The following CDK19 variants were observed in gnomAD, a reference collection of about 807,000 sequenced individuals.
CDK19 encodes the protein cyclin dependent kinase 19, also known as cyclin-dependent kinase 19.
Under a neutral mutation model 68.3 loss-of-function variants are expected in CDK19, and 20 were observed. The ratio of observed to expected loss-of-function variants is 0.29; its 90% CI spans 0.21 to 0.43. The LOEUF (loss-of-function observed/expected upper bound fraction) is 0.43, where lower values mean the gene tolerates loss of function less well. CDK19 is among the 20% of genes least tolerant of loss of function. CDK19 has a pLI of 1.00. For missense variants in CDK19, 339 were observed against 623.5 expected, an observed-to-expected ratio of 0.54 and a Z score of 4.86; for synonymous variants, 221 against 222.8, an observed-to-expected ratio of 0.99 and a Z score of 0.07.
chr6:110,661,181 T>C (rs1781595106), intron 4 of CDK19, among the ~76,000 whole-genome samples: 1 of 152,234 alleles, frequency 6.6e-6, no homozygotes, highest in South Asian at 2.1e-4. Flanking sequence ...TGAAAATCAC[T>C]GAACTTACAA....
In CDK19 at chr6:110,706,404, G is replaced by GTTTTTTTTTTTTT. The variant is rs774904075; in HGVS notation, c.205-35864_205-35863insAAAAAAAAAAAAA. On this transcript the variant is annotated intron_variant, in intron 2 of 12. Transcript: ENST00000368911. ...CAACAGCATGCTGGGTAACACTGTT[G>GTTTTTTTTTTTTT]TTTTTTTTTTGTTTGTTTTTTTTTT... 4.2e-5 allele frequency: 3 copies of GTTTTTTTTTTTTT among 71,062 alleles called. 1 individual carries two copies. Among genetic ancestry groups the GTTTTTTTTTTTTT allele is most frequent in the African/African-American group, 4.8e-5 (1 of 20,810 alleles). The allele number at this position is 71,062 out of a possible 1,614,324, so 4.4% of individuals were successfully genotyped here.
intron 1 of CDK19, among the ~76,000 whole-genome samples, chr6:110,785,157 A>G (rs1259611630): frequency 6.6e-6 from 1 of 152,002 alleles, no homozygotes; most frequent in Non-Finnish European, 1.5e-5. Context: ...TCAATCAGTC[A>G]ATATCCTAGA....
chr6:110,646,119 C>A, intron 4 of CDK19: 1 of 895,152 alleles, frequency 1.1e-6, no homozygotes, highest in South Asian at 1.4e-5. Context: ...CGAGGTGATT[C>A]TCATCTCTGA....
intron 2 of CDK19, among the ~76,000 whole-genome samples, chr6:110,741,945 A>T (rs1176771118): frequency 6.6e-6 from 1 of 152,224 alleles, no homozygotes; most frequent in Non-Finnish European, 1.5e-5. Context: ...TTTCAGCTAA[A>T]ATGAAAGGAC....
intron 2 of CDK19, among the ~76,000 whole-genome samples, chr6:110,712,378 C>T (rs1214308794): frequency 6.6e-6 from 1 of 152,186 alleles, no homozygotes; most frequent in African/African-American, 2.4e-5. Flanking sequence ...ACACCACCCT[C>T]AAGATAGTCT....
chr6:110,716,068 A>G (rs563976835), intron 2 of CDK19, among the ~76,000 whole-genome samples: 6 of 152,244 alleles, frequency 3.9e-5, no homozygotes, highest in African/African-American at 7.2e-5. Flanking sequence ...GAGGAATCAC[A>G]TAACTAATAT....
In CDK19 at chr6:110,637,481, A is replaced by G. The variant is rs532682120; in HGVS notation, c.514+1168T>C. 3.3e-5 allele frequency among the ~76,000 whole-genome samples: 5 copies of G among 152,342 alleles called. No homozygotes were observed. In the East Asian group the frequency reaches 9.7e-4, roughly 29 times the overall value. On this transcript the variant is annotated intron_variant, in intron 5 of 12. Coordinates refer to ENST00000368911, the MANE Select transcript of CDK19 (RefSeq NM_015076.5). ...GAACAGCTTATTTAGCAACTGGGCT[A>G]GGGAGTTAACTGAAAAAGTAGAAAA...
chr6:110,692,668 T>A (rs1773112837), intron 2 of CDK19, among the ~76,000 whole-genome samples: 1 of 152,090 alleles, frequency 6.6e-6, no homozygotes, highest in Non-Finnish European at 1.5e-5. Flanking sequence ...AAAAAGGTCA[T>A]CATAAAGGCA....
chr6:110,692,919 C>T (rs1773136188), intron 2 of CDK19, among the ~76,000 whole-genome samples: 1 of 152,104 alleles, frequency 6.6e-6, no homozygotes, highest in Non-Finnish European at 1.5e-5. Context: ...ATCACTTGAA[C>T]CCGGGAGAAG....
intron 1 of CDK19, among the ~76,000 whole-genome samples, chr6:110,805,436 C>T (rs1424332938): frequency 1.3e-5 from 2 of 151,904 alleles, no homozygotes; most frequent in Non-Finnish European, 1.5e-5. Flanking sequence ...GCTTTAAAAT[C>T]TTCTATATTG....
At chr6:110,665,563 AAGAG>A (rs1781873093) in intron 4 of CDK19, among the ~76,000 whole-genome samples, 1 of 152,328 alleles carries the variant, frequency 6.6e-6, no homozygotes, top group Non-Finnish European at 1.5e-5. Flanking sequence ...TTTTATGAAA[AAGAG>A]AGAGGAGCTC....
At chr6:110,626,667 C>T in intron 8 of CDK19, 109 bp downstream of exon 8, 1 of 671,836 alleles carries the variant, frequency 1.5e-6, no homozygotes, top group Non-Finnish European at 2.4e-6. Flanking sequence ...TTGGACTTTC[C>T]AGCCTCAAGG....
chr6:110,705,076 C>G (rs1355903170), intron 2 of CDK19, among the ~76,000 whole-genome samples: 6 of 146,966 alleles, frequency 4.1e-5, no homozygotes, highest in Non-Finnish European at 9.0e-5. Flanking sequence ...GAGTTTCACT[C>G]TTGTCACCCA....
chr6:110,742,213 T>A (rs530665975), intron 2 of CDK19, among the ~76,000 whole-genome samples: 1 of 152,340 alleles, frequency 6.6e-6, no homozygotes, highest in Non-Finnish European at 1.5e-5. Context: ...AATACTTTTA[T>A]AATTTATTAC....
At chr6:110,620,465 A>T (rs553143888) in intron 12 of CDK19, among the ~76,000 whole-genome samples, 106 of 151,390 alleles carry the variant, frequency 7.0e-4, no homozygotes, top group Middle Eastern at 6.8e-3. Context: ...TTGAAAAAAA[A>T]TTTTTTTTTC....
chr6:110,691,301 C>T (rs1357671614), intron 2 of CDK19, among the ~76,000 whole-genome samples: 11 of 151,924 alleles, frequency 7.2e-5, no homozygotes, highest in African/African-American at 2.4e-4. Context: ...AGTGAAAACC[C>T]GTCTCTACTA....
Position 110,686,304 on chromosome 6 carries a change from G to A in CDK19, c.205-15763C>T, listed in dbSNP as rs535676181. ...TCAGAAAAGATGCTCCTTAGGAAGTGTGCCTTATTGGAAAGAAGAGGAAAT... is the reference window on the plus strand; with the variant it reads ...TCAGAAAAGATGCTCCTTAGGAAGTATGCCTTATTGGAAAGAAGAGGAAAT... On this transcript the variant is annotated intron_variant, in intron 2 of 12. Coordinates refer to ENST00000368911, the MANE Select transcript of CDK19 (RefSeq NM_015076.5). 5.3e-5 allele frequency among the ~76,000 whole-genome samples: 8 copies of A among 152,292 alleles called. No homozygotes were observed. In the South Asian group the frequency reaches 1.7e-3, roughly 32 times the overall value.
At chr6:110,677,710 G>A (rs948781770) in intron 2 of CDK19, among the ~76,000 whole-genome samples, 12 of 152,018 alleles carry the variant, frequency 7.9e-5, no homozygotes, top group African/African-American at 2.9e-4. Context: ...ATTACCTTCT[G>A]TACATGTTTT....
At chr6:110,672,935 C>T (rs906962585) in intron 2 of CDK19, among the ~76,000 whole-genome samples, 2 of 151,780 alleles carry the variant, frequency 1.3e-5, no homozygotes, top group Non-Finnish European at 2.9e-5. Context: ...GTAAAATTTA[C>T]CATTTCAACC....
Sources: allele counts gnomAD v4.1 joint callset (sites outside exome capture counted in the v4.1 genomes callset), GRCh38; gene constraint gnomAD v4.1.1; transcripts MANE v1.5; gene names NCBI Gene and HGNC (gene_info 2026-07-23, HGNC 2026-07-21).